The following PDCD1 variants were observed in gnomAD, a reference collection of about 807,000 sequenced individuals.
The protein encoded by PDCD1 is programmed cell death 1.
A neutral mutation model predicts 23.6 loss-of-function variants in PDCD1; 10 were observed. That is an observed-to-expected ratio of 0.42 (90% CI 0.26 to 0.72). PDCD1 has a LOEUF of 0.72. Ranked by LOEUF, PDCD1 falls within the 30% of genes least tolerant of loss-of-function variation. The pLI, the probability that PDCD1 is intolerant of heterozygous loss-of-function variation, is 0.24. For missense variants in PDCD1, 313 were observed against 397.8 expected (o/e 0.79, Z 1.81); for synonymous variants, 168 against 169.3 (o/e 0.99, Z 0.06).
chr2:241,854,786 C>G (rs1337811409), intron 1 of PDCD1, among the ~76,000 whole-genome samples: 1 of 152,196 alleles, frequency 6.6e-6, no homozygotes, highest in Non-Finnish European at 1.5e-5. Context: ...GCTGTCGGGA[C>G]AGACAGGCAG....
At chr2:241,851,830 G>T in intron 4 of PDCD1, 119 bp downstream of exon 4, 1 of 1,033,406 alleles carries the variant, frequency 9.7e-7, no homozygotes, top group African/African-American at 1.6e-5. Context: ...GGGGAGGTGG[G>T]GTCCTGGCTA....
rs1350095483 is a variant in PDCD1, at chr2:241,850,079, T to A, written c.*979A>T. 2.6e-5 allele frequency: 6 copies of A among 227,882 alleles called. No homozygotes were observed. Among genetic ancestry groups the A allele is most frequent in the Non-Finnish European group, 5.2e-5 (6 of 114,822 alleles). The allele number at this position is 227,882 out of a possible 1,614,324, so 14.1% of individuals were successfully genotyped here. On this transcript the variant is annotated 3_prime_UTR_variant, in exon 5 of 5. Coordinates refer to ENST00000334409, the MANE Select transcript of PDCD1 (RefSeq NM_005018.3). ...GTACTAGGCCCCGGGGGAACGCCTG[T>A]ACCTTCCCACCCAGGCCCTGGTGGG...
At position 241,851,966 on chromosome 2, in the gene PDCD1, G is replaced by A. The variant is rs758277335; in HGVS notation, c.610C>T (p.Arg204Cys). The A allele has an allele frequency of 1.5e-5, 24 of 1,613,420 alleles. No individual in the cohort carries two copies. The highest frequency in any genetic ancestry group is 7.7e-5 in the South Asian group (7 of 91,064). ...AGACTCACCAGGGGCTGGCCGGTGC[G>A]CCTGGCTCCTATTGTCCCTGCAGAG... ...RAARGTIGAR[R>C]TGQPLKEDPS... The change falls in exon 4 of 5, where the codon CGC becomes TGC. Residue 204 changes from arginine (R) to cysteine (C), a missense_variant. By Grantham distance (180) the Arg-to-Cys change is radical. This residue lies in a region of PDCD1 where 158 missense variants were observed against 177.5 expected (regional missense o/e 0.89). Transcript: ENST00000334409.
chr2:241,853,631 C>T (rs116589133), intron 1 of PDCD1, among the ~76,000 whole-genome samples: 2,085 of 152,368 alleles, frequency 0.014, 48 homozygotes, highest in African/African-American at 0.048. Flanking sequence ...AGACACGGGG[C>T]CCCCGACCCT....
chr2:241,855,817 CAG>C (rs1701013007), intron 1 of PDCD1, among the ~76,000 whole-genome samples: 1 of 152,168 alleles, frequency 6.6e-6, no homozygotes, highest in Non-Finnish European at 1.5e-5. Flanking sequence ...GAGGACCTGG[CAG>C]GGGTGAGGAG....
rs561564753 is a variant in PDCD1, at chr2:241,850,726, A to G, written c.*332T>C. On this transcript the variant is annotated 3_prime_UTR_variant, in exon 5 of 5. Transcript: ENST00000334409. Reference sequence around the variant, plus strand: ...GCGCCTTCAGCCCCGGGCCGCAGGCAGCAGCAGCAGCAGCAGCAGCAGCAG... The same window carrying G: ...GCGCCTTCAGCCCCGGGCCGCAGGCGGCAGCAGCAGCAGCAGCAGCAGCAG... 31 of 479,482 alleles carry G rather than the reference A, an allele frequency of 6.5e-5. No individual in the cohort carries two copies. Among genetic ancestry groups the G allele is most frequent in the Non-Finnish European group, 8.4e-5 (21 of 251,290 alleles). 29.7% of individuals were successfully genotyped at this position (479,482 alleles called of 1,614,324 possible). A position where few individuals can be genotyped will look rare whatever the true frequency, so the allele number is the denominator to read the frequency against.
chr2:241,858,669 C>A, intron 1 of PDCD1, 94 bp downstream of exon 1: 1 of 1,106,554 alleles, frequency 9.0e-7, no homozygotes, highest in Non-Finnish European at 1.3e-6. Flanking sequence ...CAGGGCCAGG[C>A]CCGCCTCAGC....
intron 1 of PDCD1, among the ~76,000 whole-genome samples, chr2:241,855,978 G>A (rs1369315987): frequency 6.6e-6 from 1 of 152,180 alleles, no homozygotes; most frequent in African/African-American, 2.4e-5. Flanking sequence ...ACGGCAGCTG[G>A]GACTAGGTAA....
chr2:241,851,573 G>A (rs189124214), intron 4 of PDCD1, among the ~76,000 whole-genome samples: 2 of 152,230 alleles, frequency 1.3e-5, no homozygotes, highest in South Asian at 4.1e-4. Flanking sequence ...TGTAAGATAA[G>A]AAATGACCAA....
intron 1 of PDCD1, among the ~76,000 whole-genome samples, chr2:241,856,877 A>G (rs1311973302): frequency 6.6e-6 from 1 of 152,208 alleles, no homozygotes; most frequent in Non-Finnish European, 1.5e-5. Context: ...AGATGACCCG[A>G]TTTAATCCTC....
intron 1 of PDCD1, among the ~76,000 whole-genome samples, chr2:241,856,567 T>A (rs748009863): frequency 5.9e-5 from 9 of 152,230 alleles, no homozygotes; most frequent in Non-Finnish European, 1.2e-4. Flanking sequence ...CCAGATGCAG[T>A]GGCTTATGCC....
chr2:241,852,171 C>G (rs1700916164), intron 3 of PDCD1, 27 bp downstream of exon 3: 1 of 1,599,924 alleles, frequency 6.3e-7, no homozygotes. Flanking sequence ...TAGGGCAGGG[C>G]AGGCCGAGGG....
chr2:241,850,690 G>A lies in PDCD1; in HGVS notation c.*368C>T. ...CAGGCAGGAGGCTCCGGGGCGTCAG[G>A]CAGGGCCACGGCGCCTTCAGCCCCG... On this transcript the variant is annotated 3_prime_UTR_variant, in exon 5 of 5. Transcript: ENST00000334409. The A allele has an allele frequency of 2.0e-6, 1 of 509,328 alleles. No individual in the cohort carries two copies. The highest frequency in any genetic ancestry group is 3.7e-6 in the Non-Finnish European group (1 of 271,288). 31.6% of individuals were successfully genotyped at this position (509,328 alleles called of 1,614,324 possible).
intron 2 of PDCD1, 52 bp downstream of exon 2, chr2:241,852,569 C>T (rs1700925328): frequency 6.3e-7 from 1 of 1,581,092 alleles, no homozygotes; most frequent in Non-Finnish European, 8.6e-7. Context: ...AGGGGACACC[C>T]ACCCCAGGAC....
intron 1 of PDCD1, among the ~76,000 whole-genome samples, chr2:241,854,655 G>T (rs1700974995): frequency 6.6e-6 from 1 of 152,200 alleles, no homozygotes; most frequent in South Asian, 2.1e-4. Context: ...GGTGGACTCG[G>T]CACAGAGCAG....
At chr2:241,855,367 G>T (rs923270440) in intron 1 of PDCD1, among the ~76,000 whole-genome samples, 1 of 152,138 alleles carries the variant, frequency 6.6e-6, no homozygotes. Flanking sequence ...ACCTCCTCCA[G>T]GAAGGCTTCC....
chr2:241,852,822 G>C lies in PDCD1; in HGVS notation c.235C>G (p.Leu79Val), dbSNP rs987449655. Residue 79 changes from leucine (L) to valine (V), a missense_variant, in exon 2 of 5, where the codon CTG becomes GTG. By Grantham distance (32) the Leu-to-Val change is conservative. This residue lies in a region of PDCD1 where 135 missense variants were observed against 166.9 expected (regional missense o/e 0.81). Coordinates refer to ENST00000334409, the MANE Select transcript of PDCD1 (RefSeq NM_005018.3). The part of the protein sequence containing the change: ...RMSPSNQTDK[L>V]AAFPEDRSQP... Reference sequence around the variant, plus strand: ...CTGCGGTCCTCGGGGAAGGCGGCCAGCTTGTCCGTCTGGTTGCTGGGGCTC... The same window carrying C: ...CTGCGGTCCTCGGGGAAGGCGGCCACCTTGTCCGTCTGGTTGCTGGGGCTC... The C allele has an allele frequency of 1.2e-6, 2 of 1,612,442 alleles. No individual in the cohort carries two copies. The highest frequency in any genetic ancestry group is 1.7e-6 in the Non-Finnish European group (2 of 1,180,002).
chr2:241,851,868 G>A lies in PDCD1; in HGVS notation c.627+81C>T, dbSNP rs1700909393. On this transcript the variant is annotated intron_variant, in intron 4 of 4. Coordinates refer to ENST00000334409, the MANE Select transcript of PDCD1 (RefSeq NM_005018.3). ...ATAGAATGTGAGTCCTGCAGGCCGTGTGGTCCCAGCCTGTCCTTCCACCTC... is the reference window on the plus strand; with the variant it reads ...ATAGAATGTGAGTCCTGCAGGCCGTATGGTCCCAGCCTGTCCTTCCACCTC... The A allele has an allele frequency of 1.9e-5, 25 of 1,345,246 alleles. No individual in the cohort carries two copies. In the South Asian group the frequency reaches 2.6e-4, roughly 14 times the overall value. 83.3% of individuals were successfully genotyped at this position (1,345,246 alleles called of 1,614,324 possible).
chr2:241,855,097 G>A (rs1002261373), intron 1 of PDCD1, among the ~76,000 whole-genome samples: 1 of 152,198 alleles, frequency 6.6e-6, no homozygotes, highest in Non-Finnish European at 1.5e-5. Flanking sequence ...CCTCAAGCCA[G>A]GACCCTGGGC....
Sources: gnomAD v4.1 joint callset for allele counts (sites outside exome capture counted in the v4.1 genomes callset) on GRCh38, gnomAD v4.1.1 for gene constraint, gnomAD v4.1.1 regional missense constraint, MANE v1.5 for transcripts, NCBI Gene and HGNC (gene_info 2026-07-23, HGNC 2026-07-21) for gene names.